SNURF: variants seen among roughly 807,000 people sequenced by gnomAD.
SNURF encodes the protein SNURF protein.
In SNURF, 6 loss-of-function variants were observed where a neutral mutation model predicts 11.6. The ratio of observed to expected loss-of-function variants is 0.52; its 90% CI spans 0.28 to 1.02. The LOEUF is 1.02. Among genes scored for constraint, SNURF ranks in the 50% least tolerant of loss-of-function variants. The pLI is 0.09. For synonymous variants in SNURF, 29 were observed against 31.6 expected, an observed-to-expected ratio of 0.92 and a Z score of 0.27; for missense variants, 84 against 88.4, an observed-to-expected ratio of 0.95 and a Z score of 0.20.
chr15:24,976,098 A>G (rs1221860290), intron 4 of SNURF, among the ~76,000 whole-genome samples: 1 of 152,232 alleles, frequency 6.6e-6, no homozygotes, highest in East Asian at 1.9e-4. Context: ...CATTCTGTAA[A>G]AGACTAAAGT....
At chr15:24,977,810 AGCT>A (rs761391559) in exon 7 of SNURF, 4 of 1,613,394 alleles carry the variant, frequency 2.5e-6, no homozygotes. Flanking sequence ...GCACTGTAGC[AGCT>A]GCTGCTGTTG....
At chr15:24,956,590 C>T (rs1013692342) in intron 1 of SNURF, among the ~76,000 whole-genome samples, 3 of 152,154 alleles carry the variant, frequency 2.0e-5, no homozygotes, top group South Asian at 4.1e-4. Context: ...TGGGGCGAGA[C>T]GTGGGGCAGG....
intron 1 of SNURF, among the ~76,000 whole-genome samples, chr15:24,956,166 G>T (rs1039307246): frequency 6.6e-6 from 1 of 152,264 alleles, no homozygotes; most frequent in South Asian, 2.1e-4. Flanking sequence ...TGCATTTACA[G>T]ATCTTTTGAC....
At chr15:24,955,096 G>C (rs372122281) in intron 1 of SNURF, 34 bp downstream of exon 1, 67 of 1,613,388 alleles carry the variant, frequency 4.2e-5, no homozygotes, top group Non-Finnish European at 5.3e-5. Context: ...TCAAGAGACA[G>C]CCTGGGGAGC....
intron 2 of SNURF, chr15:24,966,920 T>G (rs548277804): frequency 6.6e-6 from 1 of 152,190 alleles, no homozygotes; most frequent in African/African-American, 2.4e-5. Flanking sequence ...GGTTACTGAT[T>G]CATAGGGGTA....
At chr15:24,955,873 C>T (rs1026935644) in intron 1 of SNURF, among the ~76,000 whole-genome samples, 20 of 151,428 alleles carry the variant, frequency 1.3e-4, no homozygotes, top group African/African-American at 4.6e-4. Flanking sequence ...ATGGCGGCCG[C>T]GGGGCCTGTC....
downstream of SNURF, among the ~76,000 whole-genome samples, chr15:24,971,111 T>G (rs575403748): frequency 8.5e-5 from 13 of 152,214 alleles, no homozygotes; most frequent in Non-Finnish European, 1.8e-4. Context: ...ACTTTTGAAT[T>G]AAAGTAGATT....
chr15:24,968,231 G>A, exon 3 of SNURF: 5 of 578,372 alleles, frequency 8.6e-6, no homozygotes, highest in South Asian at 8.1e-5. Flanking sequence ...AAGTTTTGCA[G>A]GACCTTAAAT....
At chr15:24,959,640 A>G (rs1438943091) in intron 1 of SNURF, among the ~76,000 whole-genome samples, 1 of 152,132 alleles carries the variant, frequency 6.6e-6, no homozygotes, top group Non-Finnish European at 1.5e-5. Flanking sequence ...TAGTTTCTTT[A>G]ATTGTATTAT....
At chr15:24,978,441 T>C (rs1333914406), downstream of SNURF, 2 of 1,613,506 alleles carry the variant, frequency 1.2e-6, no homozygotes, top group African/African-American at 2.7e-5. Context: ...CACCAAGACC[T>C]TAGCATACTG....
intron 6 of SNURF, among the ~76,000 whole-genome samples, chr15:24,977,220 T>C (rs2077159469): frequency 6.6e-6 from 1 of 152,192 alleles, no homozygotes; most frequent in African/African-American, 2.4e-5. Context: ...GTGATTAAAG[T>C]TACCCAGGTT....
At chr15:24,955,744 G>T (rs1222631234) in intron 1 of SNURF, among the ~76,000 whole-genome samples, 2 of 151,508 alleles carry the variant, frequency 1.3e-5, no homozygotes, top group African/African-American at 4.9e-5. Flanking sequence ...GGAGGTAGGG[G>T]GAAGGCGGCG....
At chr15:24,975,338 T>C in intron 3 of SNURF, 3 of 1,607,816 alleles carry the variant, frequency 1.9e-6, no homozygotes, top group Non-Finnish European at 1.7e-6. Flanking sequence ...TGAACATGAC[T>C]CTTGTCTTAC....
At chr15:24,963,654 ATTTAT>A (rs986121071) in intron 2 of SNURF, among the ~76,000 whole-genome samples, 1 of 152,060 alleles carries the variant, frequency 6.6e-6, no homozygotes, top group Non-Finnish European at 1.5e-5. Context: ...ATGAATACTA[ATTTAT>A]TTTATTTTTT....
At chr15:24,963,617 GAAA>G (rs796727910) in intron 2 of SNURF, among the ~76,000 whole-genome samples, 1 of 131,576 alleles carries the variant, frequency 7.6e-6, no homozygotes. Context: ...TCCATCTCAG[GAAA>G]AAAAAAAAAA....
chr15:24,956,878 G>A (rs1194213618), intron 1 of SNURF, among the ~76,000 whole-genome samples: 2 of 152,194 alleles, frequency 1.3e-5, no homozygotes, highest in African/African-American at 4.8e-5. Flanking sequence ...CAGCTCTGCA[G>A]TAAACTAGAG....
chr15:24,974,792 C>CTGGTGATCCAGAGGTGGG (rs2076875578), intron 3 of SNURF: 2 of 635,334 alleles, frequency 3.1e-6, no homozygotes, highest in Non-Finnish European at 5.6e-6. Flanking sequence ...CTCCTGACCT[C>CTGGTGATCCAGAGGTGGG]TGGTGATCCA....
downstream of SNURF, among the ~76,000 whole-genome samples, chr15:24,971,936 G>T (rs1432498661): frequency 2.6e-5 from 4 of 152,120 alleles, no homozygotes; most frequent in East Asian, 3.8e-4. Flanking sequence ...ATGGCTGAAG[G>T]TCCCAAGTGT....
At chr15:24,971,510 C>A (rs978653325), downstream of SNURF, among the ~76,000 whole-genome samples, 6 of 151,712 alleles carry the variant, frequency 4.0e-5, no homozygotes, top group African/African-American at 1.5e-4. Context: ...TATATCTCTT[C>A]TAGCTATACA....
Sources: gnomAD v4.1 joint callset for allele counts (sites outside exome capture counted in the v4.1 genomes callset) on GRCh38, gnomAD v4.1.1 for gene constraint, MANE v1.5 for transcripts, NCBI Gene and HGNC (gene_info 2026-07-23, HGNC 2026-07-21) for gene names.